SLC35B2: variants seen among roughly 807,000 people sequenced by gnomAD.
SLC35B2 encodes the protein solute carrier family 35 member B2, also known as adenosine 3'-phospho 5'-phosphosulfate transporter 1.
SLC35B2 carries 19 observed loss-of-function variants against 37.9 expected under a neutral mutation model. The observed-to-expected ratio is 0.50, with a 90% CI of 0.35 to 0.74. The LOEUF (loss-of-function observed/expected upper bound fraction) is 0.74, where lower values mean the gene tolerates loss of function less well. Among genes scored for constraint, SLC35B2 ranks in the 30% least tolerant of loss-of-function variants. SLC35B2 has a pLI of 0.01. For missense variants in SLC35B2, 633 were observed against 547.6 expected, an observed-to-expected ratio of 1.16 and a Z score of -1.56; for synonymous variants, 277 against 225.2, an observed-to-expected ratio of 1.23 and a Z score of -2.06.
Position 44,256,387 on chromosome 6 carries a change from C to G in SLC35B2, c.315G>C (p.Pro105=), listed in dbSNP as rs1289235499. ...APRTEAAETT[P]MWQALKLLFC... ...AGAGCAGCTTCAGGGCCTGCCACAT[C>G]GGGGTGGTCTCTGCCGCCTCTGTTC... is the stretch of plus-strand genomic sequence containing the variant. The change falls in exon 3 of 4, where the codon CCG becomes CCC. Residue 105 remains proline (P), a synonymous_variant. Transcript: ENST00000393812. 1.2e-6 allele frequency: 2 copies of G among 1,614,058 alleles called. No individual in the cohort carries two copies. The highest frequency in any genetic ancestry group is 1.1e-5 in the South Asian group (1 of 91,082).
In SLC35B2 at chr6:44,254,813, C is replaced by T. The variant is rs769418624; in HGVS notation, c.1192G>A (p.Val398Met). The T allele has an allele frequency of 1.2e-6, 2 of 1,614,206 alleles. No homozygotes were observed. Among genetic ancestry groups the T allele is most frequent in the Non-Finnish European group, 1.7e-6 (2 of 1,180,042 alleles). The part of the protein sequence containing the change: ...HTVTVVGGLG[V>M]AVVFAALLLR... ...AGGAGGGCAGCAAAGACCACAGCCA[C>T]CCCCAGCCCTCCCACCACAGTGACA... Residue 398 changes from valine (V) to methionine (M), a missense_variant, in exon 4 of 4, where the codon GTG (valine) becomes ATG (methionine). Physicochemically the swap from Val to Met is conservative, Grantham distance 21. Transcript: ENST00000393812.
chr6:44,257,124 CCCTCCAACG>C, intron 1 of SLC35B2: 1 of 551,908 alleles, frequency 1.8e-6, no homozygotes. Flanking sequence ...CTCCTCTGTT[CCCTCCAACG>C]CTAGCCGGCT....
At chr6:44,257,291 T>TGGCCGAC (rs1781661311) in intron 1 of SLC35B2, 109 bp downstream of exon 1, 1 of 1,219,746 alleles carries the variant, frequency 8.2e-7, no homozygotes, top group Non-Finnish European at 1.1e-6. Flanking sequence ...AGCGATATGC[T>TGGCCGAC]GGCCGACGGC....
Position 44,257,450 on chromosome 6 carries a change from C to A in SLC35B2, c.-40G>T. On this transcript the variant is annotated 5_prime_UTR_variant, in exon 1 of 4. Transcript: ENST00000393812. ...GGGGTGGAGGGGGAACCGGGGAATG[C>A]GAGTCCCCGGGCCGCGCGCCCCCTG... is the stretch of plus-strand genomic sequence containing the variant. 1 of 1,247,522 alleles carries A rather than the reference C, an allele frequency of 8.0e-7. No homozygotes were observed. 77.3% of individuals were successfully genotyped at this position (1,247,522 alleles called of 1,614,324 possible).
At position 44,255,493 on chromosome 6, in the gene SLC35B2, C is replaced by T. The variant is rs148997630; in HGVS notation, c.512G>A (p.Cys171Tyr). The part of the protein sequence containing the change: ...VLALIVAGLS[C>Y]VLCKQPRHGA... ...ATGCCGGGGCTGCTTGCAGAGAACA[C>T]AGGAGAGGCCAGCCACAATCAGTGC... Residue 171 changes from cysteine (C) to tyrosine (Y), a missense_variant, in exon 4 of 4, where the codon TGT (cysteine) becomes TAT (tyrosine). By Grantham distance (194) the Cys-to-Tyr change is radical. Coordinates refer to ENST00000393812, the MANE Select transcript of SLC35B2 (RefSeq NM_178148.4). The T allele has an allele frequency of 4.3e-6, 7 of 1,614,076 alleles. No individual in the cohort carries two copies. In the African/African-American group the frequency reaches 9.3e-5, roughly 22 times the overall value.
Position 44,254,655 on chromosome 6 carries a change from G to A in SLC35B2, c.*51C>T, listed in dbSNP as rs761497003. Reference sequence around the variant, plus strand: ...GCTCCCTCAGAGGTTACAGCAGAAGGGGATGGTGGGAGGGTCCTATTTCAC... The same window carrying A: ...GCTCCCTCAGAGGTTACAGCAGAAGAGGATGGTGGGAGGGTCCTATTTCAC... On this transcript the variant is annotated 3_prime_UTR_variant, in exon 4 of 4. Transcript: ENST00000393812. 1 of 1,545,892 alleles carries A rather than the reference G, an allele frequency of 6.5e-7. No individual in the cohort carries two copies.
chr6:44,256,244 A>T, intron 3 of SLC35B2, 98 bp downstream of exon 3: 3 of 1,475,994 alleles, frequency 2.0e-6, no homozygotes, highest in Non-Finnish European at 1.8e-6. Flanking sequence ...GAAACACACC[A>T]GCCAGCAAAG....
At chr6:44,255,766 G>T (rs1323494054) in intron 3 of SLC35B2, 122 bp from the exon 4 acceptor site, 3 of 984,010 alleles carry the variant, frequency 3.0e-6, no homozygotes, top group Non-Finnish European at 4.4e-6. Context: ...ACACTTTTTG[G>T]TTCCTCTGTA....
chr6:44,254,580 G>A lies in SLC35B2; in HGVS notation c.*126C>T. Reference sequence around the variant, plus strand: ...CTGGGCTCCCCAATCCCCTGCTGCAGAGCTGGTCTGTGATACTGAGAAAAC... The same window carrying A: ...CTGGGCTCCCCAATCCCCTGCTGCAAAGCTGGTCTGTGATACTGAGAAAAC... On this transcript the variant is annotated 3_prime_UTR_variant, in exon 4 of 4. Transcript: ENST00000393812. The A allele has an allele frequency of 9.0e-7, 1 of 1,108,090 alleles. No individual in the cohort carries two copies. The highest frequency in any genetic ancestry group is 1.3e-6 in the Non-Finnish European group (1 of 779,742). 68.6% of individuals were successfully genotyped at this position (1,108,090 alleles called of 1,614,324 possible).
chr6:44,254,426 G>GTA lies in SLC35B2; in HGVS notation c.*279_*280insTA. 2.4e-6 allele frequency: 1 copy of GTA among 423,136 alleles called. No individual in the cohort carries two copies. The highest frequency in any genetic ancestry group is 4.2e-6 in the Non-Finnish European group (1 of 235,788). The allele number at this position is 423,136 out of a possible 1,614,324, so 26.2% of individuals were successfully genotyped here. The stretch of plus-strand genomic sequence containing the variant: ...AAGGGAACTTGTGGGAAGAGTAACT[G>GTA]GAACCTACCTATGCTCTCTTGACCC... On this transcript the variant is annotated 3_prime_UTR_variant, in exon 4 of 4. Transcript: ENST00000393812.
In SLC35B2 at chr6:44,255,444, G is replaced by C; in HGVS notation, c.561C>G (p.Ser187=). Residue 187 remains serine (S), a synonymous_variant, in exon 4 of 4, where the codon TCC becomes TCG. Coordinates refer to ENST00000393812, the MANE Select transcript of SLC35B2 (RefSeq NM_178148.4). ...PRHGAPMYRY[S]FASLSNVLSS... ...TAAGCACATTGGACAGGCTGGCAAA[G>C]GAGTACCGGTACATGGGTGCCCCAT... The C allele has an allele frequency of 6.2e-7, 1 of 1,614,264 alleles. No individual in the cohort carries two copies. The highest frequency in any genetic ancestry group is 8.5e-7 in the Non-Finnish European group (1 of 1,180,042).
At chr6:44,256,974 C>T in intron 1 of SLC35B2, 96 bp from the exon 2 acceptor site, 1 of 1,285,522 alleles carries the variant, frequency 7.8e-7, no homozygotes, top group South Asian at 1.6e-5. Context: ...GAGTCTCCTC[C>T]CCGCCCCCTC....
At chr6:44,257,226 G>T in intron 1 of SLC35B2, 174 bp downstream of exon 1, 1 of 693,420 alleles carries the variant, frequency 1.4e-6, no homozygotes, top group Non-Finnish European at 2.1e-6. Context: ...TCCGCCCGAA[G>T]CTCCCCAAGG....
In SLC35B2 at chr6:44,256,522, C is replaced by T. The variant is rs188731781; in HGVS notation, c.206-26G>A. ...CTGAAGAAAGCACACAAAGTCAAGC[C>T]CCAAATCTTCTCCATAGCACTTCAT... is the stretch of plus-strand genomic sequence containing the variant. On this transcript the variant is annotated intron_variant, in intron 2 of 3. Transcript: ENST00000393812. 4.3e-6 allele frequency: 7 copies of T among 1,613,994 alleles called. No homozygotes were observed. In the African/African-American group the frequency reaches 8.0e-5, roughly 18 times the overall value.
At position 44,254,819 on chromosome 6, in the gene SLC35B2, G is replaced by C; in HGVS notation, c.1186C>G (p.Leu396Val). Residue 396 changes from leucine to valine, a missense_variant, in exon 4 of 4, where the codon CTG becomes GTG. By Grantham distance (32) the Leu-to-Val change is conservative. Coordinates refer to ENST00000393812, the MANE Select transcript of SLC35B2 (RefSeq NM_178148.4). ...YGHTVTVVGG[L>V]GVAVVFAALL... ...GCAGCAAAGACCACAGCCACCCCCA[G>C]CCCTCCCACCACAGTGACAGTGTGG... is the stretch of plus-strand genomic sequence containing the variant. 6.2e-7 allele frequency: 1 copy of C among 1,614,156 alleles called. No individual in the cohort carries two copies. Among genetic ancestry groups the C allele is most frequent in the Non-Finnish European group, 8.5e-7 (1 of 1,180,040 alleles).
At chr6:44,256,633 CAA>C in intron 2 of SLC35B2, 50 bp downstream of exon 2, 1 of 1,612,278 alleles carries the variant, frequency 6.2e-7, no homozygotes, top group South Asian at 1.1e-5. Context: ...GACTGCTGGC[CAA>C]ATACCCTCTT....
Position 44,255,633 on chromosome 6 carries a change from C to G in SLC35B2, c.372G>C (p.Leu124=), listed in dbSNP as rs1019952643. ...CTCTTTCCTGCAGCACACCCCAAGT[C>G]AGATAAGACACCTGTTGGGGAAGGT... The part of the protein sequence containing the change: ...FCATGLQVSY[L]TWGVLQERVM... The change falls in exon 4 of 4, where the codon CTG becomes CTC. Residue 124 remains leucine, a synonymous_variant. Coordinates refer to ENST00000393812, the MANE Select transcript of SLC35B2 (RefSeq NM_178148.4). 1 of 1,611,984 alleles carries G rather than the reference C, an allele frequency of 6.2e-7. No homozygotes were observed. The highest frequency in any genetic ancestry group is 8.5e-7 in the Non-Finnish European group (1 of 1,178,752).
At position 44,257,472 on chromosome 6, in the gene SLC35B2, C is replaced by G; in HGVS notation, c.-62G>C. On this transcript the variant is annotated 5_prime_UTR_variant, in exon 1 of 4. Transcript: ENST00000393812. ...ATGCGAGTCCCCGGGCCGCGCGCCC[C>G]CTGCGCTCCCGCCGCCGCCTCCAGG... 8.1e-7 allele frequency: 1 copy of G among 1,237,610 alleles called. No individual in the cohort carries two copies. The highest frequency in any genetic ancestry group is 1.0e-6 in the Non-Finnish European group (1 of 983,472). The allele number at this position is 1,237,610 out of a possible 1,614,324, so 76.7% of individuals were successfully genotyped here.
In SLC35B2 at chr6:44,256,419, C is replaced by T. The variant is rs534132585; in HGVS notation, c.283G>A (p.Ala95Thr). Residue 95 changes from alanine to threonine, a missense_variant, in exon 3 of 4, where the codon GCG becomes ACG. Coordinates refer to ENST00000393812, the MANE Select transcript of SLC35B2 (RefSeq NM_178148.4). ...GTCTCTGCCGCCTCTGTTCGGGGCG[C>T]CAGGGGAACCTCATCAGAGGCCTTG... ...EPKASDEVPL[A>T]PRTEAAETTP... The T allele has an allele frequency of 1.2e-4, 196 of 1,614,210 alleles. 1 individual carries two copies. In the South Asian group the frequency reaches 2.1e-3, roughly 17 times the overall value.
Sources: gnomAD v4.1 joint callset for allele counts on GRCh38, gnomAD v4.1.1 for gene constraint, MANE v1.5 for transcripts, NCBI Gene and HGNC (gene_info 2026-07-23, HGNC 2026-07-21) for gene names.